Variants in ANTXR2 observed in about 807,000 individuals in gnomAD.
The protein encoded by ANTXR2 is anthrax toxin receptor 2.
Under a neutral mutation model 73.7 loss-of-function variants are expected in ANTXR2, and 44 were observed. The observed-to-expected ratio is 0.60, with a 90% confidence interval of 0.47 to 0.77. ANTXR2 has a LOEUF of 0.77. Among genes scored for constraint, ANTXR2 ranks in the 30% least tolerant of loss-of-function variants. The pLI is 0.00. For synonymous variants in ANTXR2, 217 were observed against 205.9 expected (o/e 1.05, Z -0.46); for missense variants, 604 against 592.5 (o/e 1.02, Z -0.20).
intron 3 of ANTXR2, among the ~76,000 whole-genome samples, chr4:80,058,722 T>G (rs1469633916): frequency 1.3e-5 from 2 of 151,944 alleles, no homozygotes; most frequent in African/African-American, 2.4e-5. Context: ...GACTAAAATT[T>G]TAAGAACAAG....
chr4:79,992,772 C>T (rs1355981105), intron 12 of ANTXR2, among the ~76,000 whole-genome samples: 3 of 152,078 alleles, frequency 2.0e-5, no homozygotes, highest in African/African-American at 7.2e-5. Flanking sequence ...GCTACCCTAA[C>T]CATCTTCATT....
At position 80,033,470 on chromosome 4, in the gene ANTXR2, A is replaced by G. The variant is rs761067629; in HGVS notation, c.796+2T>C. ...ACAACACTGAGATTACTGGGGACCT[A>G]CTCGTTGTATATGTTTCATTTACAG... On this transcript the variant is annotated splice_donor_variant, in intron 9 of 16. Coordinates refer to ENST00000403729, the MANE Select transcript of ANTXR2 (RefSeq NM_058172.6). LOFTEE classifies it high-confidence loss of function. The G allele has an allele frequency of 1.9e-6, 3 of 1,593,570 alleles. No individual in the cohort carries two copies. Among genetic ancestry groups the G allele is most frequent in the Admixed American group, 1.8e-5 (1 of 56,712 alleles).
At chr4:79,937,816 G>C (rs975177422) in intron 16 of ANTXR2, among the ~76,000 whole-genome samples, 21 of 149,740 alleles carry the variant, frequency 1.4e-4, no homozygotes, top group African/African-American at 3.7e-4. Context: ...CTGAGGTACC[G>C]GGTTCATCTC....
chr4:80,050,912 C>T lies in ANTXR2; in HGVS notation c.636+3360G>A, dbSNP rs542210078. Among the ~76,000 whole-genome samples the T allele has an allele frequency of 9.0e-4, 137 of 151,714 alleles. 2 individuals carry two copies. The highest frequency in any genetic ancestry group is 1.6e-3 in the Admixed American group (24 of 15,186). The stretch of plus-strand genomic sequence containing the variant: ...TTCCTACTTATTTATGAAATATGAG[C>T]GCATTCTCAAAACAAGTATGTGAAA... On this transcript the variant is annotated intron_variant, in intron 7 of 16. Transcript: ENST00000403729.
At chr4:79,956,776 C>T (rs936614476) in intron 16 of ANTXR2, among the ~76,000 whole-genome samples, 38 of 151,846 alleles carry the variant, frequency 2.5e-4, no homozygotes, top group African/African-American at 7.2e-4. Context: ...TATATGCATG[C>T]GCGCGCACAC....
At position 79,963,861 on chromosome 4, in the gene ANTXR2, T is replaced by G. The variant is rs1412564294; in HGVS notation, c.1428+13760A>C. ...TTTTTTGTTTCTGGCTGAATGTAGGTAGTAGAGGAGGAGAACCGCCCAAAA... is the reference window on the plus strand; with the variant it reads ...TTTTTTGTTTCTGGCTGAATGTAGGGAGTAGAGGAGGAGAACCGCCCAAAA... On this transcript the variant is annotated intron_variant, in intron 16 of 16. Transcript: ENST00000403729. 2.0e-5 allele frequency among the ~76,000 whole-genome samples: 3 copies of G among 152,162 alleles called. No individual in the cohort carries two copies. In the South Asian group the frequency reaches 6.2e-4, roughly 32 times the overall value.
chr4:80,035,950 T>C (rs200398704), intron 8 of ANTXR2, 22 bp downstream of exon 8: 1 of 1,516,378 alleles, frequency 6.6e-7, no homozygotes, highest in African/African-American at 1.4e-5. Flanking sequence ...TTACATGGTA[T>C]TTTTAAATTC....
chr4:79,920,267 T>C (rs987609805), intron 16 of ANTXR2, among the ~76,000 whole-genome samples: 14 of 152,052 alleles, frequency 9.2e-5, no homozygotes, highest in African/African-American at 3.4e-4. Context: ...ACGATGTGTC[T>C]GGGACATATT....
intron 10 of ANTXR2, among the ~76,000 whole-genome samples, chr4:80,022,913 A>C (rs917881070): frequency 6.6e-6 from 1 of 152,182 alleles, no homozygotes; most frequent in Non-Finnish European, 1.5e-5. Context: ...CCTATTTCAA[A>C]GTTGTTTTAA....
chr4:79,989,514 G>A (rs192594688), intron 12 of ANTXR2, among the ~76,000 whole-genome samples: 75 of 151,802 alleles, frequency 4.9e-4, no homozygotes, highest in African/African-American at 1.4e-3. Flanking sequence ...AGAAAATGCC[G>A]TAGATGAGAC....
At position 80,071,595 on chromosome 4, in the gene ANTXR2, T is replaced by C; in HGVS notation, c.212A>G (p.Glu71Gly). The C allele has an allele frequency of 6.2e-7, 1 of 1,611,996 alleles. No homozygotes were observed. Among genetic ancestry groups the C allele is most frequent in the Non-Finnish European group, 8.5e-7 (1 of 1,178,128 alleles). The change falls in exon 2 of 17, where the codon GAG (glutamate) becomes GGG (glycine). Residue 71 changes from glutamate (E) to glycine (G), a missense_variant. By Grantham distance (98) the Glu-to-Gly change is moderately conservative (BLOSUM62 -2). Coordinates refer to ENST00000403729, the MANE Select transcript of ANTXR2 (RefSeq NM_058172.6). ...GTAAGAAAGATACCTCACAAATCTCTCCGCAAGTTGCTGTACGAAATTATA... is the reference window on the plus strand; with the variant it reads ...GTAAGAAAGATACCTCACAAATCTCCCCGCAAGTTGCTGTACGAAATTATA... ...EIYNFVQQLA[E>G]RFVSPEMRLS...
At chr4:79,935,732 T>G (rs544174792) in intron 16 of ANTXR2, among the ~76,000 whole-genome samples, 1 of 152,364 alleles carries the variant, frequency 6.6e-6, no homozygotes, top group East Asian at 1.9e-4. Flanking sequence ...TTTAAAACAC[T>G]TTTATACTTG....
chr4:80,031,759 A>C, intron 9 of ANTXR2, 67 bp from the exon 10 acceptor site: 1 of 894,876 alleles, frequency 1.1e-6, no homozygotes. Context: ...CATTAATAAT[A>C]TGAACAGCAT....
At chr4:80,031,576 A>T (rs759282873) in intron 10 of ANTXR2, 47 bp downstream of exon 10, 1 of 1,318,274 alleles carries the variant, frequency 7.6e-7, no homozygotes, top group Non-Finnish European at 1.0e-6. Flanking sequence ...TTTTCTAATA[A>T]TTTTTTACTA....
intron 16 of ANTXR2, among the ~76,000 whole-genome samples, chr4:79,931,927 ATTT>A (rs1351769651): frequency 6.6e-6 from 1 of 152,130 alleles, no homozygotes; most frequent in East Asian, 1.9e-4. Context: ...TTATTTCCTT[ATTT>A]TTTTCTCTAT....
chr4:79,978,745 C>T (rs1729755769), intron 14 of ANTXR2, among the ~76,000 whole-genome samples: 1 of 152,164 alleles, frequency 6.6e-6, no homozygotes, highest in Non-Finnish European at 1.5e-5. Context: ...GGGATTCGAA[C>T]ATGGATTGAA....
At chr4:79,921,554 A>G (rs1165757802) in intron 16 of ANTXR2, among the ~76,000 whole-genome samples, 1 of 152,140 alleles carries the variant, frequency 6.6e-6, no homozygotes, top group African/African-American at 2.4e-5. Flanking sequence ...CACAAATATT[A>G]TAAAACTTCA....
chr4:80,000,661 T>A (rs569072097), intron 12 of ANTXR2, among the ~76,000 whole-genome samples: 29 of 152,216 alleles, frequency 1.9e-4, no homozygotes, highest in Admixed American at 4.6e-4. Flanking sequence ...GACAGGATAA[T>A]GTTATAAGAA....
rs762203979 is a variant in ANTXR2 at position 80,071,606 on chromosome 4, C to A, written c.201G>T (p.Gln67His). 6.2e-7 allele frequency: 1 copy of A among 1,613,020 alleles called. No homozygotes were observed. The highest frequency in any genetic ancestry group is 8.5e-7 in the Non-Finnish European group (1 of 1,179,090). Reference protein sequence around the residue: ...NNWIEIYNFVQQLAERFVSPE... With the variant: ...NNWIEIYNFVHQLAERFVSPE... ...ACCTCACAAATCTCTCCGCAAGTTG[C>A]TGTACGAAATTATAAATTTCAATCC... Residue 67 changes from glutamine to histidine, a missense_variant, in exon 2 of 17, where the codon CAG becomes CAT. Coordinates refer to ENST00000403729, the MANE Select transcript of ANTXR2 (RefSeq NM_058172.6).
Sources: allele counts gnomAD v4.1 joint callset (sites outside exome capture counted in the v4.1 genomes callset), GRCh38; gene constraint gnomAD v4.1.1; transcripts MANE v1.5; gene names NCBI Gene and HGNC (gene_info 2026-07-23, HGNC 2026-07-21).